Variants in CADM2 observed in about 807,000 individuals in gnomAD.
The protein encoded by CADM2 is cell adhesion molecule 2.
A neutral mutation model predicts 49.8 loss-of-function variants in CADM2; 12 were observed. The observed-to-expected ratio is 0.24, with a 90% confidence interval of 0.15 to 0.39. The LOEUF is 0.39. CADM2 is among the 10% of genes least tolerant of loss of function. The pLI is 1.00. For synonymous variants in CADM2, 214 were observed against 175.4 expected, an observed-to-expected ratio of 1.22 and a Z score of -1.74; for missense variants, 378 against 492.3, an observed-to-expected ratio of 0.77 and a Z score of 2.20.
intron 1 of CADM2, among the ~76,000 whole-genome samples, chr3:85,452,841 A>C (rs1314197330): frequency 6.6e-6 from 1 of 152,180 alleles, no homozygotes; most frequent in East Asian, 1.9e-4. Flanking sequence ...GTTGCCTAAA[A>C]ACTATGACAG....
intron 5 of CADM2, among the ~76,000 whole-genome samples, chr3:85,906,149 T>C (rs938890774): frequency 6.6e-6 from 1 of 152,186 alleles, no homozygotes; most frequent in African/African-American, 2.4e-5. Flanking sequence ...TTTTCTGCCA[T>C]ATGTTATTAT....
chr3:85,265,109 A>C (rs558988036), intron 1 of CADM2, among the ~76,000 whole-genome samples: 15 of 152,182 alleles, frequency 9.9e-5, no homozygotes, highest in East Asian at 7.7e-4. Flanking sequence ...TATTGTAAGA[A>C]AAATATTTAA....
chr3:85,529,043 T>G (rs2061236784), intron 1 of CADM2, among the ~76,000 whole-genome samples: 1 of 152,094 alleles, frequency 6.6e-6, no homozygotes, highest in African/African-American at 2.4e-5. Context: ...AGAAAAGGAA[T>G]TATTAGAACA....
chr3:85,557,370 C>A (rs4856275), intron 1 of CADM2, among the ~76,000 whole-genome samples: 77,419 of 151,312 alleles, frequency 0.51, 22,827 homozygotes, highest in East Asian at 0.85. Context: ...AAATAAACAA[C>A]TAACAGTTAT....
At chr3:85,589,164 G>A (rs1375869286) in intron 1 of CADM2, among the ~76,000 whole-genome samples, 2 of 151,888 alleles carry the variant, frequency 1.3e-5, no homozygotes, top group Non-Finnish European at 2.9e-5. Flanking sequence ...GAGGAGGCTG[G>A]GGGTGTCACC....
At position 85,912,392 on chromosome 3, in the gene CADM2, A is replaced by C. The variant is rs773587405; in HGVS notation, c.549A>C (p.Glu183Asp). 1 of 1,609,126 alleles carries C rather than the reference A, an allele frequency of 6.2e-7. No homozygotes were observed. Among genetic ancestry groups the C allele is most frequent in the Non-Finnish European group, 8.5e-7 (1 of 1,177,956 alleles). ...KEIKDVKYLK[E>D]EDANRKTFTV... ...TTTCAGATGTAAAATATTTAAAAGA[A>C]GAGGATGCAAATCGCAAGACATTCA... is the stretch of plus-strand genomic sequence containing the variant. Residue 183 changes from glutamate (E) to aspartate (D), a missense_variant, in exon 6 of 10, where the codon GAA becomes GAC. Glu to Asp is a conservative substitution (Grantham distance 45). Transcript: ENST00000383699.
chr3:85,856,898 T>C (rs1250724726), intron 3 of CADM2, among the ~76,000 whole-genome samples: 1 of 152,234 alleles, frequency 6.6e-6, no homozygotes, highest in East Asian at 1.9e-4. Flanking sequence ...CAAATCAGCA[T>C]TGTGAGATAA....
chr3:85,882,443 G>C (rs750289595), intron 3 of CADM2, among the ~76,000 whole-genome samples: 1 of 152,050 alleles, frequency 6.6e-6, no homozygotes, highest in Non-Finnish European at 1.5e-5. Flanking sequence ...GGTCTGGATC[G>C]TCTTTTACTG....
intron 8 of CADM2, among the ~76,000 whole-genome samples, chr3:86,019,922 T>G (rs1732889784): frequency 6.6e-6 from 1 of 151,952 alleles, no homozygotes; most frequent in Non-Finnish European, 1.5e-5. Context: ...AACATCACAA[T>G]TAAAAGAACT....
intron 1 of CADM2, among the ~76,000 whole-genome samples, chr3:84,963,220 G>A (rs559662303): frequency 3.3e-5 from 5 of 152,190 alleles, no homozygotes; most frequent in South Asian, 2.1e-4. Context: ...TGGAGTAAGC[G>A]CAAGGGACAC....
Position 85,886,174 on chromosome 3 carries a change from T to C in CADM2, c.392-16T>C. On this transcript the variant is annotated splice_polypyrimidine_tract_variant and intron_variant, in intron 4 of 9. Coordinates refer to ENST00000383699, the MANE Select transcript of CADM2 (RefSeq NM_001167675.2). ...CTGAAGATTGATGCTCACTTCATCA[T>C]TCGCTTAAATTTCAGGTGTTCCTGA... 1 of 1,611,780 alleles carries C rather than the reference T, an allele frequency of 6.2e-7. No individual in the cohort carries two copies. The highest frequency in any genetic ancestry group is 8.5e-7 in the Non-Finnish European group (1 of 1,178,282).
chr3:85,376,285 G>A (rs1431453115), intron 1 of CADM2, among the ~76,000 whole-genome samples: 1 of 152,044 alleles, frequency 6.6e-6, no homozygotes, highest in Non-Finnish European at 1.5e-5. Flanking sequence ...AATAACTGAA[G>A]TAATACTGCA....
At chr3:85,623,581 A>C (rs1403972631) in intron 1 of CADM2, among the ~76,000 whole-genome samples, 1 of 152,186 alleles carries the variant, frequency 6.6e-6, no homozygotes, top group Non-Finnish European at 1.5e-5. Context: ...GAGATAGGAC[A>C]GCAGAGAATC....
chr3:85,137,681 G>A (rs113899927), intron 1 of CADM2, among the ~76,000 whole-genome samples: 2,277 of 152,102 alleles, frequency 0.015, 16 homozygotes, highest in Non-Finnish European at 0.024. Flanking sequence ...AGTTTAGGAA[G>A]CCGTGTTTAA....
At chr3:85,863,687 C>A (rs1416298880) in intron 3 of CADM2, among the ~76,000 whole-genome samples, 1 of 152,244 alleles carries the variant, frequency 6.6e-6, no homozygotes, top group African/African-American at 2.4e-5. Flanking sequence ...ATTACCCAGC[C>A]TGCAGTATTC....
chr3:85,605,494 T>C (rs573483359), intron 1 of CADM2, among the ~76,000 whole-genome samples: 14 of 152,170 alleles, frequency 9.2e-5, no homozygotes, highest in Admixed American at 2.0e-4. Context: ...CATAAGTTGA[T>C]ATATAAGCAG....
chr3:85,699,306 C>G (rs779951638), intron 1 of CADM2, among the ~76,000 whole-genome samples: 2 of 152,072 alleles, frequency 1.3e-5, no homozygotes, highest in Non-Finnish European at 2.9e-5. Flanking sequence ...TGGAGGATGG[C>G]GGCCCCCTTC....
At chr3:85,196,924 T>G (rs1390988093) in intron 1 of CADM2, among the ~76,000 whole-genome samples, 1 of 151,976 alleles carries the variant, frequency 6.6e-6, no homozygotes, top group East Asian at 1.9e-4. Flanking sequence ...ATGAATAAAT[T>G]ACTCAAATTA....
chr3:85,347,814 G>T (rs9810488), intron 1 of CADM2, among the ~76,000 whole-genome samples: 95,975 of 146,106 alleles, frequency 0.66, 31,654 homozygotes, highest in East Asian at 0.91. Flanking sequence ...CCAGTTTTTT[G>T]TTTTTTTTTT....
Sources: gnomAD v4.1 joint callset for allele counts (sites outside exome capture counted in the v4.1 genomes callset) on GRCh38, gnomAD v4.1.1 for gene constraint, MANE v1.5 for transcripts, NCBI Gene and HGNC (gene_info 2026-07-23, HGNC 2026-07-21) for gene names.